The following EXT1 variants were observed in gnomAD, a reference collection of about 807,000 sequenced individuals.
EXT1 encodes the protein exostosin-1.
EXT1 carries 20 observed loss-of-function variants against 82.5 expected under a neutral mutation model. That is an observed-to-expected ratio of 0.24 (90% CI 0.17 to 0.35). EXT1 has a LOEUF of 0.35. EXT1 is among the 10% of genes least tolerant of loss of function. The pLI is 1.00. For missense variants in EXT1, 757 were observed against 936.5 expected, an observed-to-expected ratio of 0.81 and a Z score of 2.50; for synonymous variants, 348 against 350.8, an observed-to-expected ratio of 0.99 and a Z score of 0.09.
At chr8:118,006,280 C>A (rs975179991) in intron 1 of EXT1, among the ~76,000 whole-genome samples, 1 of 152,218 alleles carries the variant, frequency 6.6e-6, no homozygotes, top group African/African-American at 2.4e-5. Context: ...GTCCCTCCAC[C>A]TTTCCTGCTT....
At position 117,963,646 on chromosome 8, in the gene EXT1, C is replaced by T. The variant is rs116531661; in HGVS notation, c.963-126445G>A. ...GCTGGGATTACAGGAAGACACCACA[C>T]GCCTGGCTAATTTTTGTATTTTTAG... On this transcript the variant is annotated intron_variant, in intron 1 of 10. Coordinates refer to ENST00000378204, the MANE Select transcript of EXT1 (RefSeq NM_000127.3). Among the ~76,000 whole-genome samples the T allele has an allele frequency of 2.5e-3, 375 of 152,158 alleles. 2 individuals are homozygous for T. Among genetic ancestry groups the T allele is most frequent in the African/African-American group, 8.3e-3 (345 of 41,522 alleles).
intron 1 of EXT1, among the ~76,000 whole-genome samples, chr8:117,851,325 GA>G (rs1314869827): frequency 6.6e-6 from 1 of 150,886 alleles, no homozygotes; most frequent in Non-Finnish European, 1.5e-5. Context: ...AATAGATTTA[GA>G]GTCCCATTCT....
chr8:118,049,933 G>A (rs1037346884), intron 1 of EXT1, among the ~76,000 whole-genome samples: 1 of 152,158 alleles, frequency 6.6e-6, no homozygotes, highest in African/African-American at 2.4e-5. Context: ...TCCAGCAGAA[G>A]TCACTGCTCT....
At chr8:117,858,856 A>G (rs200358358) in intron 1 of EXT1, among the ~76,000 whole-genome samples, 7,927 of 31,698 alleles carry the variant, frequency 0.25, 491 homozygotes, top group East Asian at 0.3. Flanking sequence ...AAAGAAAGAA[A>G]GAAAGAAAGA....
At chr8:117,947,694 C>G (rs1031750858) in intron 1 of EXT1, among the ~76,000 whole-genome samples, 1 of 152,134 alleles carries the variant, frequency 6.6e-6, no homozygotes, top group Non-Finnish European at 1.5e-5. Flanking sequence ...AGCATTGCCT[C>G]AAGAACAAAT....
chr8:118,009,474 G>GTGGCCAACAT (rs1442637384), intron 1 of EXT1, among the ~76,000 whole-genome samples: 2 of 149,670 alleles, frequency 1.3e-5, no homozygotes, highest in African/African-American at 4.8e-5. Flanking sequence ...TGACCAGACA[G>GTGGCCAACAT]TGGCCAACAT....
At chr8:117,936,155 G>A (rs1814158101) in intron 1 of EXT1, among the ~76,000 whole-genome samples, 1 of 152,168 alleles carries the variant, frequency 6.6e-6, no homozygotes, top group South Asian at 2.1e-4. Context: ...CAAAAGGGAA[G>A]GACATTACAT....
intron 1 of EXT1, among the ~76,000 whole-genome samples, chr8:117,888,531 T>C (rs1222278956): frequency 6.6e-6 from 1 of 152,012 alleles, no homozygotes; most frequent in Non-Finnish European, 1.5e-5. Flanking sequence ...AAGGACAACA[T>C]GGGTTAGTTA....
chr8:117,896,846 T>G (rs1813348506), intron 1 of EXT1, among the ~76,000 whole-genome samples: 1 of 152,148 alleles, frequency 6.6e-6, no homozygotes, highest in Non-Finnish European at 1.5e-5. Context: ...GCCTTCTAAA[T>G]TCAGTGCCCC....
chr8:117,851,736 G>C (rs1477996204), intron 1 of EXT1, among the ~76,000 whole-genome samples: 17 of 152,018 alleles, frequency 1.1e-4, no homozygotes, highest in Non-Finnish European at 1.5e-5. Flanking sequence ...GGCAGTTCAG[G>C]TTGGCCTTCA....
intron 1 of EXT1, among the ~76,000 whole-genome samples, chr8:118,044,896 C>G (rs1816597685): frequency 6.6e-6 from 1 of 152,200 alleles, no homozygotes; most frequent in African/African-American, 2.4e-5. Context: ...CAGCTGCTAT[C>G]CTCTTACAAG....
chr8:118,109,360 T>TAAAAA (rs35438767), intron 1 of EXT1, among the ~76,000 whole-genome samples: 1 of 138,590 alleles, frequency 7.2e-6, no homozygotes, highest in Non-Finnish European at 1.5e-5. Context: ...GGCCCACATT[T>TAAAAA]AAAAAAAAAA....
intron 1 of EXT1, among the ~76,000 whole-genome samples, chr8:117,938,415 T>A (rs1485852510): frequency 6.6e-6 from 1 of 151,996 alleles, no homozygotes. Context: ...TGAGCAGAGA[T>A]CACACCATTG....
intron 1 of EXT1, among the ~76,000 whole-genome samples, chr8:117,957,137 C>A (rs1450194679): frequency 3.3e-5 from 5 of 152,190 alleles, no homozygotes; most frequent in Admixed American, 3.3e-4. Context: ...AAGAGTTACA[C>A]ACACAACGAG....
intron 1 of EXT1, among the ~76,000 whole-genome samples, chr8:117,935,393 T>G (rs1374548475): frequency 1.3e-5 from 2 of 151,316 alleles, no homozygotes; most frequent in Non-Finnish European, 1.5e-5. Context: ...TCATCATGAT[T>G]CACTGCAGCC....
chr8:118,026,940 T>C (rs765925573), intron 1 of EXT1, among the ~76,000 whole-genome samples: 1 of 152,180 alleles, frequency 6.6e-6, no homozygotes, highest in Non-Finnish European at 1.5e-5. Flanking sequence ...GAATCTGAGT[T>C]ACCAAAAATG....
chr8:117,895,872 C>A (rs1335352671), intron 1 of EXT1, among the ~76,000 whole-genome samples: 1 of 152,178 alleles, frequency 6.6e-6, no homozygotes, highest in African/African-American at 2.4e-5. Flanking sequence ...TCCAAAGTAA[C>A]GCTCATTACC....
chr8:117,883,159 C>A (rs373552404), intron 1 of EXT1, among the ~76,000 whole-genome samples: 1 of 152,118 alleles, frequency 6.6e-6, no homozygotes, highest in Non-Finnish European at 1.5e-5. Context: ...GGTTCTAACC[C>A]AGCTAGCACA....
chr8:117,856,583 A>T (rs1812566060), intron 1 of EXT1, among the ~76,000 whole-genome samples: 1 of 146,970 alleles, frequency 6.8e-6, no homozygotes, highest in Non-Finnish European at 1.5e-5. Flanking sequence ...TTTCAATTTT[A>T]TGATGACAGA....
Sources: allele counts gnomAD v4.1 joint callset (sites outside exome capture counted in the v4.1 genomes callset), GRCh38; gene constraint gnomAD v4.1.1; transcripts MANE v1.5; gene names NCBI Gene and HGNC (gene_info 2026-07-23, HGNC 2026-07-21).